TET2: variants seen among roughly 807,000 people sequenced by gnomAD.
The protein encoded by TET2 is methylcytosine dioxygenase TET2.
A neutral mutation model predicts 142.9 loss-of-function variants in TET2; 299 were observed. That is an observed-to-expected ratio of 2.09 (90% confidence interval 1.90 to 2.30). TET2 has a LOEUF of 2.30. Ranked by LOEUF, TET2 falls within the 30% of genes most tolerant of loss-of-function variation. The pLI is 0.00. For missense variants in TET2, 2,418 were observed against 2,378.0 expected, an observed-to-expected ratio of 1.02 and a Z score of -0.35; for synonymous variants, 819 against 849.0, an observed-to-expected ratio of 0.96 and a Z score of 0.61.
intron 2 of TET2, among the ~76,000 whole-genome samples, chr4:105,224,149 C>A (rs1440083351): frequency 1.3e-5 from 2 of 150,748 alleles, no homozygotes; most frequent in African/African-American, 2.4e-5. Context: ...AAAAGATATA[C>A]CCCCACCTAG....
rs2110315765 is a variant in TET2, at chr4:105,276,106, C to T, written c.5596C>T (p.Pro1866Ser). The T allele has an allele frequency of 6.4e-7, 1 of 1,551,632 alleles. No homozygotes were observed. Among genetic ancestry groups the T allele is most frequent in the South Asian group, 1.2e-5 (1 of 84,054 alleles). Reference protein sequence around the residue: ...DPDIGGVAVAPTHGSILIECA... With the variant: ...DPDIGGVAVASTHGSILIECA... ...TGACATTGGGGGAGTGGCCGTGGCT[C>T]CAACTCATGGGTCAATTCTCATTGA... The change falls in exon 11 of 11, where the codon CCA (proline) becomes TCA (serine). Residue 1866 changes from proline (P) to serine (S), a missense_variant. Pro to Ser is a moderately conservative substitution (Grantham distance 74, BLOSUM62 -1). Coordinates refer to ENST00000380013, the MANE Select transcript of TET2 (RefSeq NM_001127208.3).
At chr4:105,215,418 A>G (rs1578635670) in intron 2 of TET2, among the ~76,000 whole-genome samples, 1 of 152,286 alleles carries the variant, frequency 6.6e-6, no homozygotes, top group South Asian at 2.1e-4. Context: ...ACTTTGTGAC[A>G]TTTGACTTAT....
At chr4:105,259,876 G>A in intron 7 of TET2, 107 bp downstream of exon 7, 1 of 1,131,972 alleles carries the variant, frequency 8.8e-7, no homozygotes. Context: ...ATTAATCAAA[G>A]TTTTTCCCAA....
intron 2 of TET2, among the ~76,000 whole-genome samples, chr4:105,191,531 T>C (rs1725788385): frequency 6.6e-6 from 1 of 152,174 alleles, no homozygotes; most frequent in Admixed American, 6.5e-5. Flanking sequence ...TCTATAATCC[T>C]TTTAGTAGGT....
At chr4:105,249,708 C>T (rs1198945953) in intron 6 of TET2, among the ~76,000 whole-genome samples, 3 of 152,054 alleles carry the variant, frequency 2.0e-5, no homozygotes, top group Non-Finnish European at 2.9e-5. Context: ...CATCTTTTCA[C>T]GTGTGTATTG....
At chr4:105,214,349 C>G (rs936258141) in intron 2 of TET2, among the ~76,000 whole-genome samples, 1 of 145,130 alleles carries the variant, frequency 6.9e-6, no homozygotes, top group Non-Finnish European at 1.5e-5. Flanking sequence ...CTGTGTCACC[C>G]AGGCTGGAGT....
chr4:105,205,284 G>A (rs1726750620), intron 2 of TET2, among the ~76,000 whole-genome samples: 1 of 151,976 alleles, frequency 6.6e-6, no homozygotes, highest in Non-Finnish European at 1.5e-5. Flanking sequence ...ATTTTGTTGT[G>A]GAATTATGTC....
chr4:105,237,794 A>T, intron 3 of TET2: 1 of 1,124,576 alleles, frequency 8.9e-7, no homozygotes. Flanking sequence ...GTTTCACAAG[A>T]TTTCTGGCTA....
chr4:105,196,683 A>C (rs561823529), intron 2 of TET2, among the ~76,000 whole-genome samples: 7 of 152,246 alleles, frequency 4.6e-5, no homozygotes, highest in Admixed American at 4.6e-4. Flanking sequence ...CAGATTTCTC[A>C]TAAGGGAAGC....
At chr4:105,166,615 A>G (rs1031291489) in intron 1 of TET2, among the ~76,000 whole-genome samples, 1 of 151,508 alleles carries the variant, frequency 6.6e-6, no homozygotes, top group Non-Finnish European at 1.5e-5. Flanking sequence ...TTACAGAAAA[A>G]AAAAGAAAAA....
chr4:105,237,900 A>G (rs1015942075), intron 3 of TET2: 1 of 1,037,736 alleles, frequency 9.6e-7, no homozygotes, highest in African/African-American at 1.7e-5. Flanking sequence ...CCATTTATAC[A>G]TTTGGAATGT....
chr4:105,214,439 T>A (rs1341343135), intron 2 of TET2, among the ~76,000 whole-genome samples: 7 of 147,686 alleles, frequency 4.7e-5, no homozygotes, highest in African/African-American at 1.5e-4. Flanking sequence ...CCCAAGTACC[T>A]GGGACTACAG....
intron 8 of TET2, 68 bp from the exon 9 acceptor site, chr4:105,269,542 A>G: frequency 6.6e-7 from 1 of 1,506,684 alleles, no homozygotes; most frequent in Admixed American, 2.0e-5. Context: ...TGGTCTAAAT[A>G]CTAGTGAGTT....
At position 105,272,708 on chromosome 4, in the gene TET2, G is replaced by A. The variant is rs2110306406; in HGVS notation, c.4327G>A (p.Ala1443Thr). Residue 1443 changes from alanine (A) to threonine (T), a missense_variant, in exon 10 of 11, where the codon GCC becomes ACC. By Grantham distance (58) the Ala-to-Thr change is moderately conservative. Transcript: ENST00000380013. ...EAQEEKKRSGAIQVLSSFRRK... is the reference protein window; with the variant it reads ...EAQEEKKRSGTIQVLSSFRRK... ...TCAGGAGGAGAAAAAACGGAGTGGTGCCATTCAGGTACTGAGTTCTTTTCG... is the reference window on the plus strand; with the variant it reads ...TCAGGAGGAGAAAAAACGGAGTGGTACCATTCAGGTACTGAGTTCTTTTCG... 5 of 1,551,736 alleles carry A rather than the reference G, an allele frequency of 3.2e-6. No homozygotes were observed. The highest frequency in any genetic ancestry group is 1.7e-4 in the Middle Eastern group (1 of 5,992).
In TET2 at chr4:105,236,115, A is replaced by T; in HGVS notation, c.2173A>T (p.Lys725Ter). Residue 725 changes from lysine (K) to a stop codon, truncating the protein, a stop_gained, in exon 3 of 11, where the codon AAA becomes TAA. Transcript: ENST00000380013. LOFTEE classifies it high-confidence loss of function. ...NSHLLQHKPH[K>*]QAAQTQPSQS... ...ACACCTTTTGCAACATAAGCCTCAT[A>T]AACAGGCAGCACAAACACAACCATC... 1.2e-6 allele frequency: 2 copies of T among 1,614,142 alleles called. No individual in the cohort carries two copies. Among genetic ancestry groups the T allele is most frequent in the Non-Finnish European group, 1.7e-6 (2 of 1,180,010 alleles).
intron 1 of TET2, among the ~76,000 whole-genome samples, chr4:105,174,172 A>G (rs1238311217): frequency 6.6e-6 from 1 of 152,186 alleles, no homozygotes; most frequent in Non-Finnish European, 1.5e-5. Flanking sequence ...AAATACATGT[A>G]TGAATTTGAT....
At chr4:105,178,685 C>G (rs149526068) in intron 1 of TET2, among the ~76,000 whole-genome samples, 2 of 152,162 alleles carry the variant, frequency 1.3e-5, no homozygotes, top group East Asian at 3.9e-4. Flanking sequence ...TATATGGGAA[C>G]TTTCTACTGT....
At chr4:105,239,208 A>C (rs7670522) in intron 3 of TET2, 105,243 of 241,172 alleles carry the variant, frequency 0.44, 24,258 homozygotes, top group Non-Finnish European at 0.52. Flanking sequence ...TACACTTAGC[A>C]TAATTCTTAA....
At chr4:105,151,299 C>T (rs115918101) in intron 1 of TET2, among the ~76,000 whole-genome samples, 10,390 of 152,162 alleles carry the variant, frequency 0.068, 459 homozygotes, top group Non-Finnish European at 0.099. Flanking sequence ...CCAGCCCAGG[C>T]AAGAGGGAGA....
Sources: gnomAD v4.1 joint callset for allele counts (sites outside exome capture counted in the v4.1 genomes callset) on GRCh38, gnomAD v4.1.1 for gene constraint, MANE v1.5 for transcripts, NCBI Gene and HGNC (gene_info 2026-07-23, HGNC 2026-07-21) for gene names.